The following CLDN10 variants were observed in gnomAD, a reference collection of about 807,000 sequenced individuals.
CLDN10 encodes claudin-10.
In CLDN10, 15 loss-of-function variants were observed where a neutral mutation model predicts 22.9. The observed-to-expected ratio is 0.65, with a 90% CI of 0.44 to 1.01. The LOEUF (loss-of-function observed/expected upper bound fraction) is 1.01, where lower values mean the gene tolerates loss of function less well. Among genes scored for constraint, CLDN10 ranks in the 50% least tolerant of loss-of-function variants. The pLI, the probability that CLDN10 is intolerant of heterozygous loss-of-function variation, is 0.00. For synonymous variants in CLDN10, 114 were observed against 111.4 expected (o/e 1.02, Z -0.15); for missense variants, 247 against 287.8 (o/e 0.86, Z 1.03).
At chr13:95,553,200 G>T (rs907030696) in intron 1 of CLDN10, among the ~76,000 whole-genome samples, 2 of 152,198 alleles carry the variant, frequency 1.3e-5, no homozygotes, top group African/African-American at 4.8e-5. Flanking sequence ...CCCCGGGAGG[G>T]GGGACACGCA....
At chr13:95,434,915 C>CA (rs2042252745) in intron 1 of CLDN10, among the ~76,000 whole-genome samples, 6 of 151,648 alleles carry the variant, frequency 4.0e-5, no homozygotes. Flanking sequence ...CAAAACGAAA[C>CA]AAAAAACCAT....
At chr13:95,448,812 T>A (rs1227960666) in intron 1 of CLDN10, among the ~76,000 whole-genome samples, 1 of 151,968 alleles carries the variant, frequency 6.6e-6, no homozygotes, top group Non-Finnish European at 1.5e-5. Flanking sequence ...CGATCTCGGC[T>A]CACTGCAGCC....
intron 3 of CLDN10, among the ~76,000 whole-genome samples, chr13:95,561,764 C>CTT (rs201890987): frequency 0.046 from 6,183 of 135,288 alleles, 217 homozygotes; most frequent in Non-Finnish European, 0.068. Context: ...TTCTTTCGTC[C>CTT]TTTTTTTTTT....
At chr13:95,542,356 A>G (rs573430167) in intron 1 of CLDN10, among the ~76,000 whole-genome samples, 47 of 152,310 alleles carry the variant, frequency 3.1e-4, no homozygotes, top group Middle Eastern at 6.8e-3. Flanking sequence ...GCATTTAAAC[A>G]CCATTATTTC....
chr13:95,532,256 G>T (rs2043351567), intron 1 of CLDN10, among the ~76,000 whole-genome samples: 1 of 152,076 alleles, frequency 6.6e-6, no homozygotes, highest in Non-Finnish European at 1.5e-5. Flanking sequence ...TATTCACTAA[G>T]AATGTATCTG....
intron 1 of CLDN10, among the ~76,000 whole-genome samples, chr13:95,438,530 C>T (rs1020991970): frequency 6.6e-6 from 1 of 152,238 alleles, no homozygotes; most frequent in Non-Finnish European, 1.5e-5. Flanking sequence ...AGACCCAAGT[C>T]AAAGTGCCAG....
intron 1 of CLDN10, among the ~76,000 whole-genome samples, chr13:95,477,451 G>A (rs190383277): frequency 2.0e-3 from 311 of 152,240 alleles, no homozygotes; most frequent in Admixed American, 4.3e-3. Flanking sequence ...GTTTTCATTT[G>A]AAAAGCATAT....
intron 1 of CLDN10, among the ~76,000 whole-genome samples, chr13:95,536,363 C>A (rs78009268): frequency 6.6e-6 from 1 of 151,894 alleles, no homozygotes; most frequent in Admixed American, 6.6e-5. Flanking sequence ...GCAAGAGAAT[C>A]GCTTGAACCC....
At chr13:95,486,288 C>T (rs113858962) in intron 1 of CLDN10, among the ~76,000 whole-genome samples, 4,344 of 152,110 alleles carry the variant, frequency 0.029, 89 homozygotes, top group Middle Eastern at 0.071. Flanking sequence ...TTTGGGAGGC[C>T]GATGTGGGTG....
At chr13:95,512,974 C>G (rs2043120430) in intron 1 of CLDN10, among the ~76,000 whole-genome samples, 1 of 152,202 alleles carries the variant, frequency 6.6e-6, no homozygotes, top group Non-Finnish European at 1.5e-5. Flanking sequence ...CTGCTGGGCA[C>G]AAGTGATCCT....
intron 1 of CLDN10, among the ~76,000 whole-genome samples, chr13:95,463,285 A>ATAT (rs1555288952): frequency 2.7e-4 from 11 of 40,098 alleles, no homozygotes; most frequent in Admixed American, 1.5e-3. Flanking sequence ...GCAAATGCTT[A>ATAT]ATATATATAT....
At chr13:95,434,043 A>G in exon 1 of CLDN10, 1 of 1,613,738 alleles carries the variant, frequency 6.2e-7, no homozygotes, top group Admixed American at 1.7e-5. Flanking sequence ...TCTTCAAAGT[A>G]GCAGGTAAAT....
chr13:95,438,394 C>T (rs899697298), intron 1 of CLDN10, among the ~76,000 whole-genome samples: 4 of 152,318 alleles, frequency 2.6e-5, no homozygotes, highest in Non-Finnish European at 4.4e-5. Context: ...CATGGGCCAT[C>T]GTGCCCTGCC....
At chr13:95,511,483 T>C (rs2043097884) in intron 1 of CLDN10, among the ~76,000 whole-genome samples, 1 of 152,078 alleles carries the variant, frequency 6.6e-6, no homozygotes, top group African/African-American at 2.4e-5. Flanking sequence ...ACTGGTTTCA[T>C]ACAAAAGTGT....
upstream of CLDN10, among the ~76,000 whole-genome samples, chr13:95,549,981 C>T (rs139095818): frequency 2.8e-4 from 43 of 152,220 alleles, no homozygotes; most frequent in African/African-American, 7.9e-4. Flanking sequence ...TACCACCATC[C>T]GTTATGCTAA....
At chr13:95,541,057 C>T (rs2043455163) in intron 1 of CLDN10, among the ~76,000 whole-genome samples, 1 of 152,260 alleles carries the variant, frequency 6.6e-6, no homozygotes, top group African/African-American at 2.4e-5. Flanking sequence ...AATGCAGCAG[C>T]TGTGCATGCT....
In CLDN10 at chr13:95,462,481, C is replaced by T. The variant is rs78309548; in HGVS notation, c.214+28434C>T. On this transcript the variant is annotated intron_variant, in intron 1 of 4. Coordinates refer to the CLDN10 transcript ENST00000376873. The stretch of plus-strand genomic sequence containing the variant: ...TTCATAAGGACAAAGACTTGGGTAT[C>T]AAAGGAAGCCAAGAGGCCCAGAATA... Among the ~76,000 whole-genome samples the T allele has an allele frequency of 1.8e-4, 27 of 152,246 alleles. No homozygotes were observed. The East Asian group carries it at 4.8e-3, about 27-fold the overall frequency.
chr13:95,534,351 G>T (rs1331033664), intron 1 of CLDN10, among the ~76,000 whole-genome samples: 2 of 152,048 alleles, frequency 1.3e-5, no homozygotes, highest in Admixed American at 1.3e-4. Context: ...TTTAAGAAAA[G>T]ATTTGTTAAA....
At chr13:95,575,581 T>C (rs974350685) in intron 3 of CLDN10, among the ~76,000 whole-genome samples, 3 of 108,862 alleles carry the variant, frequency 2.8e-5, no homozygotes, top group African/African-American at 9.2e-5. Flanking sequence ...TGGACTTCGC[T>C]GCTCAGTTCG....
Sources: gnomAD v4.1 joint callset for allele counts (sites outside exome capture counted in the v4.1 genomes callset) on GRCh38, gnomAD v4.1.1 for gene constraint, MANE v1.5 for transcripts, NCBI Gene and HGNC (gene_info 2026-07-23, HGNC 2026-07-21) for gene names.